The following LRRK2 variants were observed in gnomAD, a reference collection of about 807,000 sequenced individuals.
LRRK2 encodes the protein leucine rich repeat kinase 2, also known as leucine-rich repeat serine/threonine-protein kinase 2.
In LRRK2, 203 loss-of-function variants were observed where a neutral mutation model predicts 302.6. The ratio of observed to expected loss-of-function variants is 0.67; its 90% CI spans 0.60 to 0.75. The LOEUF (loss-of-function observed/expected upper bound fraction) is 0.75. Among genes scored for constraint, LRRK2 ranks in the 30% least tolerant of loss-of-function variants. LRRK2 has a pLI of 0.00. For synonymous variants in LRRK2, 1,066 were observed against 1,031.9 expected (o/e 1.03, Z -0.63); for missense variants, 2,830 against 2,951.0 (o/e 0.96, Z 0.95).
intron 3 of LRRK2, chr12:40,232,651 G>A (rs1941255404): frequency 3.9e-6 from 1 of 257,736 alleles, no homozygotes; most frequent in Admixed American, 4.9e-5. Context: ...TTAAGTTGTA[G>A]ATTTTTGATG....
rs533971023 is a variant in LRRK2 at position 40,277,864 on chromosome 12, T to C, written c.1942-24T>C. ...ATTTTGCCTGTAATTGCTTATTTTA[T>C]TATTTTTTTTCTTATACTTTTAGGG... On this transcript the variant is annotated intron_variant, in intron 16 of 50. Transcript: ENST00000298910. The C allele has an allele frequency of 1.2e-5, 19 of 1,564,502 alleles. No homozygotes were observed. In the African/African-American group the frequency reaches 1.8e-4, roughly 15 times the overall value.
chr12:40,319,757 C>T lies in LRRK2; in HGVS notation c.4828-231C>T, dbSNP rs555727744. Among the ~76,000 whole-genome samples the T allele has an allele frequency of 1.0e-3, 151 of 149,954 alleles. 1 individual carries two copies. Among genetic ancestry groups the T allele is most frequent in the South Asian group, 9.9e-3 (46 of 4,668 alleles). On this transcript the variant is annotated intron_variant, in intron 33 of 50. Coordinates refer to ENST00000298910, the MANE Select transcript of LRRK2 (RefSeq NM_198578.4). ...TGTTTCAGTGAAGTTCAATGATTTC[C>T]TATCCGAATTAACTCCCTTAATTTA...
At chr12:40,291,363 G>C (rs1475096711) in intron 20 of LRRK2, among the ~76,000 whole-genome samples, 3 of 151,216 alleles carry the variant, frequency 2.0e-5, no homozygotes, top group Non-Finnish European at 4.4e-5. Flanking sequence ...CACCAGCATG[G>C]CACATGTATA....
chr12:40,243,424 G>T, intron 6 of LRRK2, 126 bp from the exon 7 acceptor site: 1 of 1,023,450 alleles, frequency 9.8e-7, no homozygotes, highest in Middle Eastern at 2.4e-4. Flanking sequence ...AGAACATGAT[G>T]TTTAAATTTG....
chr12:40,240,579 T>G lies in LRRK2; in HGVS notation c.668T>G (p.Leu223Arg), dbSNP rs1446056819. The G allele has an allele frequency of 5.6e-6, 9 of 1,613,356 alleles. No individual in the cohort carries two copies. The highest frequency in any genetic ancestry group is 1.3e-5 in the African/African-American group (1 of 74,896). Reference sequence around the variant, plus strand: ...TTTAAAGATGAAGAGGAAATTGTGCTTCATGTGCTGCATTGTTTACATTCC... The same window carrying G: ...TTTAAAGATGAAGAGGAAATTGTGCGTCATGTGCTGCATTGTTTACATTCC... ...TNFKDEEEIV[L>R]HVLHCLHSLA... Residue 223 changes from leucine to arginine, a missense_variant, in exon 6 of 51, where the codon CTT (leucine) becomes CGT (arginine). By Grantham distance (102) the Leu-to-Arg change is moderately radical. This residue lies in a region of LRRK2 where 2,121 missense variants were observed against 2,148.0 expected (regional missense o/e 0.99). Transcript: ENST00000298910.
rs1946962952 is a variant in LRRK2, at chr12:40,369,157, A to G, written c.*1392A>G. ...AATTAACAAAAAAATCATATATAAT[A>G]GAGCTCTTTGTTCCAGTGTTATCTC... On this transcript the variant is annotated 3_prime_UTR_variant, in exon 51 of 51. Coordinates refer to ENST00000298910, the MANE Select transcript of LRRK2 (RefSeq NM_198578.4). The G allele has an allele frequency of 6.6e-6, 1 of 151,928 alleles. No individual in the cohort carries two copies. The highest frequency in any genetic ancestry group is 1.5e-5 in the Non-Finnish European group (1 of 67,820). 9.4% of individuals were successfully genotyped at this position (151,928 alleles called of 1,614,324 possible). A position where few individuals can be genotyped will look rare whatever the true frequency, so the allele number is the denominator to read the frequency against.
chr12:40,302,936 T>C, intron 26 of LRRK2, 54 bp downstream of exon 26: 1 of 1,201,070 alleles, frequency 8.3e-7, no homozygotes, highest in Non-Finnish European at 1.2e-6. Flanking sequence ...ACAGAACCTT[T>C]AGAAACATGA....
Position 40,265,621 on chromosome 12 carries a change from C to T in LRRK2, c.1656+1720C>T, listed in dbSNP as rs143516550. ...TAGCTGTACATGCTTGTTCATATATCGCATGTCTCATAAGTATCTGAAATC... is the reference window on the plus strand; with the variant it reads ...TAGCTGTACATGCTTGTTCATATATTGCATGTCTCATAAGTATCTGAAATC... On this transcript the variant is annotated intron_variant, in intron 14 of 50. Transcript: ENST00000298910. 8.2e-4 allele frequency among the ~76,000 whole-genome samples: 125 copies of T among 152,198 alleles called. 1 individual carries two copies. The highest frequency in any genetic ancestry group is 2.8e-3 in the African/African-American group (115 of 41,504).
At chr12:40,249,792 T>G in intron 7 of LRRK2, 34 bp from the exon 8 acceptor site, 1 of 1,610,808 alleles carries the variant, frequency 6.2e-7, no homozygotes, top group Non-Finnish European at 8.5e-7. Flanking sequence ...CTTCCATGGA[T>G]GAGAATTCAG....
intron 44 of LRRK2, 62 bp from the exon 45 acceptor site, chr12:40,354,237 A>G (rs906418976): frequency 5.8e-6 from 8 of 1,380,762 alleles, no homozygotes; most frequent in Admixed American, 1.8e-5. Context: ...TTTATTCTGT[A>G]CAAGTTCTAG....
intron 12 of LRRK2, among the ~76,000 whole-genome samples, chr12:40,259,001 T>A (rs907033905): frequency 2.6e-5 from 4 of 152,088 alleles, no homozygotes; most frequent in African/African-American, 9.7e-5. Context: ...AAATTAAAAA[T>A]AATTAAAAAT....
chr12:40,353,244 A>G (rs185723137), intron 44 of LRRK2, among the ~76,000 whole-genome samples: 1,150 of 10,582 alleles, frequency 0.11, 27 homozygotes, highest in Middle Eastern at 0.2. Flanking sequence ...CTGCCAGGCA[A>G]AGGGGCTCCT....
chr12:40,328,260 A>G lies in LRRK2; in HGVS notation c.5657-100A>G, dbSNP rs1945609857. On this transcript the variant is annotated intron_variant, in intron 38 of 50. Transcript: ENST00000298910. ...AATGAAACAAGTAGGTCAGGTTTCT[A>G]TTCAAATTTACAACAGATATAATTA... The G allele has an allele frequency of 9.0e-6, 8 of 890,792 alleles. No individual in the cohort carries two copies. In the South Asian group the frequency reaches 1.1e-4, roughly 13 times the overall value. The allele number at this position is 890,792 out of a possible 1,614,324, so 55.2% of individuals were successfully genotyped here.
intron 12 of LRRK2, among the ~76,000 whole-genome samples, chr12:40,258,771 T>C (rs143268037): frequency 6.6e-6 from 1 of 152,136 alleles, no homozygotes; most frequent in African/African-American, 2.4e-5. Flanking sequence ...GTGTTTAAAC[T>C]GGGACTTTAA....
Position 40,309,238 on chromosome 12 carries a change from T to A in LRRK2, c.4317+5T>A, listed in dbSNP as rs773764692. On this transcript the variant is annotated splice_donor_5th_base_variant and intron_variant, in intron 30 of 50. Coordinates refer to ENST00000298910, the MANE Select transcript of LRRK2 (RefSeq NM_198578.4). ...CCTTGGCTCTTCAATATAAAGGTGA[T>A]TTGTTCTGATCATTTGAAAATAGAA... The A allele has an allele frequency of 1.9e-6, 3 of 1,612,480 alleles. No homozygotes were observed. In the African/African-American group the frequency reaches 4.0e-5, roughly 22 times the overall value.
At chr12:40,359,171 AAGT>A in intron 46 of LRRK2, 86 bp from the exon 47 acceptor site, 1 of 1,061,844 alleles carries the variant, frequency 9.4e-7, no homozygotes, top group East Asian at 2.5e-5. Context: ...TTAAGATGGA[AAGT>A]AGTTTTTTGA....
At chr12:40,257,501 C>A in intron 12 of LRRK2, 124 bp downstream of exon 12, 2 of 1,165,330 alleles carry the variant, frequency 1.7e-6, no homozygotes, top group Admixed American at 1.9e-5. Flanking sequence ...AAAACTGAAG[C>A]ATTTTGCAAT....
In LRRK2 at chr12:40,225,596, T is replaced by C. The variant is rs756784783; in HGVS notation, c.193T>C (p.Leu65=). ...FQGKNIHVPL[L]IVLDSYMRVA... The stretch of plus-strand genomic sequence containing the variant: ...AGGCAAAAATATCCATGTGCCTCTG[T>C]TGATCGTCTTGGACTCCTATATGAG... The change falls in exon 2 of 51, where the codon TTG becomes CTG. Residue 65 remains leucine (L), a synonymous_variant. Coordinates refer to ENST00000298910, the MANE Select transcript of LRRK2 (RefSeq NM_198578.4). The C allele has an allele frequency of 6.2e-7, 1 of 1,614,162 alleles. No individual in the cohort carries two copies. The highest frequency in any genetic ancestry group is 8.5e-7 in the Non-Finnish European group (1 of 1,180,028).
chr12:40,292,270 C>A (rs1251255008), intron 20 of LRRK2, among the ~76,000 whole-genome samples: 1 of 152,036 alleles, frequency 6.6e-6, no homozygotes, highest in Non-Finnish European at 1.5e-5. Context: ...TAGTCCTATG[C>A]TGTCTGTTGC....
Sources: gnomAD v4.1 joint callset for allele counts (sites outside exome capture counted in the v4.1 genomes callset) on GRCh38, gnomAD v4.1.1 for gene constraint, gnomAD v4.1.1 regional missense constraint, MANE v1.5 for transcripts, NCBI Gene and HGNC (gene_info 2026-07-23, HGNC 2026-07-21) for gene names.